The following ASAP1 variants were observed in gnomAD, a reference collection of about 807,000 sequenced individuals.
ASAP1 encodes the protein ArfGAP with SH3 domain, ankyrin repeat and PH domain 1.
A neutral mutation model predicts 145.2 loss-of-function variants in ASAP1; 43 were observed. The ratio of observed to expected loss-of-function variants is 0.30; its 90% CI spans 0.23 to 0.38. ASAP1 has a LOEUF of 0.38. Ranked by LOEUF, ASAP1 falls within the 10% of genes least tolerant of loss-of-function variation. The probability of loss-of-function intolerance (pLI) is 1.00; values close to 1 mark genes in which losing one functional copy is unlikely to be tolerated. For missense variants in ASAP1, 1,018 were observed against 1,355.3 expected (o/e 0.75, Z 3.91); for synonymous variants, 546 against 515.5 (o/e 1.06, Z -0.80).
chr8:130,086,734 G>T (rs1022228625), intron 25 of ASAP1, among the ~76,000 whole-genome samples: 2 of 152,212 alleles, frequency 1.3e-5, no homozygotes, highest in African/African-American at 4.8e-5. Context: ...AGCCTGTGAG[G>T]TGGAGGCTGC....
At chr8:130,204,904 C>T (rs1379883606) in intron 5 of ASAP1, among the ~76,000 whole-genome samples, 2 of 152,164 alleles carry the variant, frequency 1.3e-5, no homozygotes, top group Admixed American at 1.3e-4. Flanking sequence ...CATACAGTCA[C>T]CACAGTATAA....
intron 5 of ASAP1, among the ~76,000 whole-genome samples, chr8:130,208,298 T>C (rs559337758): frequency 2.6e-5 from 4 of 152,300 alleles, no homozygotes; most frequent in African/African-American, 9.6e-5. Flanking sequence ...TGTTTTGGTA[T>C]GTCTTTGTGT....
At chr8:130,383,680 ATTATGT>A (rs1232025549) in intron 2 of ASAP1, among the ~76,000 whole-genome samples, 2 of 152,122 alleles carry the variant, frequency 1.3e-5, no homozygotes, top group African/African-American at 2.4e-5. Flanking sequence ...AATAATGTTT[ATTATGT>A]TTATGTTTAT....
chr8:130,298,908 G>C (rs1247709840), intron 3 of ASAP1, among the ~76,000 whole-genome samples: 1 of 152,164 alleles, frequency 6.6e-6, no homozygotes, highest in Non-Finnish European at 1.5e-5. Context: ...CCAGATTACA[G>C]GTATTAGGGC....
intron 5 of ASAP1, among the ~76,000 whole-genome samples, chr8:130,199,259 A>G (rs1272656292): frequency 6.6e-6 from 1 of 152,226 alleles, no homozygotes; most frequent in Admixed American, 6.5e-5. Context: ...TCAAACTCCT[A>G]GAGCAAAGTG....
In ASAP1 at chr8:130,358,318, C is replaced by T. The variant is rs1442489810; in HGVS notation, c.60-175G>A. ...GGCGAGAGGGAGGGAAGGAGGCGGG[C>T]GAAGGCAGGCGGCGGCGGCGCTGGC... On this transcript the variant is annotated intron_variant, in intron 2 of 29. Transcript: ENST00000518721. This position sits in a 1 kb window ranked among gnomAD's most constrained non-coding sequence, Gnocchi z 4.1. Among the ~76,000 whole-genome samples, 15 of 149,450 alleles carry T rather than the reference C, an allele frequency of 1.0e-4. No homozygotes were observed. The highest frequency in any genetic ancestry group is 1.0e-3 in the Admixed American group (15 of 15,046).
At chr8:130,141,225 G>C (rs1428206847) in intron 13 of ASAP1, among the ~76,000 whole-genome samples, 2 of 152,164 alleles carry the variant, frequency 1.3e-5, no homozygotes, top group African/African-American at 4.8e-5. Flanking sequence ...CCTTGCTGTT[G>C]ATTCCCATCC....
chr8:130,116,373 T>C (rs1209200140), intron 22 of ASAP1, among the ~76,000 whole-genome samples: 1 of 152,256 alleles, frequency 6.6e-6, no homozygotes, highest in Non-Finnish European at 1.5e-5. Context: ...AATTCTTTAC[T>C]ATTAAGCTGC....
intron 4 of ASAP1, among the ~76,000 whole-genome samples, chr8:130,231,778 A>G (rs998719683): frequency 7.9e-5 from 12 of 152,224 alleles, no homozygotes; most frequent in African/African-American, 2.9e-4. Context: ...TCCATTTCTA[A>G]AAGTGCAGTA....
chr8:130,208,302 T>C (rs2136372983), intron 5 of ASAP1, among the ~76,000 whole-genome samples: 1 of 152,308 alleles, frequency 6.6e-6, no homozygotes, highest in South Asian at 2.1e-4. Context: ...TTGGTATGTC[T>C]TTGTGTATAG....
intron 5 of ASAP1, among the ~76,000 whole-genome samples, chr8:130,210,849 T>C (rs1816536407): frequency 6.6e-6 from 1 of 152,182 alleles, no homozygotes. Context: ...ACCTTAAAAA[T>C]AAAATGAGAA....
chr8:130,326,594 C>T (rs145625657), intron 3 of ASAP1, among the ~76,000 whole-genome samples: 11 of 152,324 alleles, frequency 7.2e-5, no homozygotes, highest in African/African-American at 2.6e-4. Flanking sequence ...GCTCGCTCCA[C>T]GCTAGTCAAA....
At chr8:130,268,965 G>T (rs62525922) in intron 3 of ASAP1, among the ~76,000 whole-genome samples, 27,888 of 152,014 alleles carry the variant, frequency 0.18, 3,233 homozygotes, top group East Asian at 0.44. Context: ...GAGGAGGGAG[G>T]GTGGAGAAGG....
intron 24 of ASAP1, among the ~76,000 whole-genome samples, chr8:130,107,489 GTCTC>G (rs1423980081): frequency 1.2e-4 from 17 of 147,700 alleles, no homozygotes; most frequent in South Asian, 2.2e-4. Flanking sequence ...CCGGCCCATA[GTCTC>G]TCTTTTTTTT....
At chr8:130,213,664 TATAA>T (rs1224185411) in intron 5 of ASAP1, among the ~76,000 whole-genome samples, 2 of 152,190 alleles carry the variant, frequency 1.3e-5, no homozygotes, top group African/African-American at 4.8e-5. Flanking sequence ...AAAAGCATGA[TATAA>T]ATAGTTTTCC....
intron 4 of ASAP1, among the ~76,000 whole-genome samples, chr8:130,220,679 G>A (rs1817239065): frequency 6.6e-6 from 1 of 152,012 alleles, no homozygotes; most frequent in Non-Finnish European, 1.5e-5. Flanking sequence ...GTATTAGTCC[G>A]TTCTCACACT....
chr8:130,327,093 G>C (rs1824383872), intron 3 of ASAP1, among the ~76,000 whole-genome samples: 1 of 152,164 alleles, frequency 6.6e-6, no homozygotes, highest in South Asian at 2.1e-4. Flanking sequence ...AAGAGCAAGG[G>C]AATTTCAATT....
chr8:130,214,901 CTTTT>C (rs916260334), intron 4 of ASAP1, among the ~76,000 whole-genome samples, 200 bp from the exon 5 acceptor site: 1 of 151,926 alleles, frequency 6.6e-6, no homozygotes, highest in African/African-American at 2.4e-5. Flanking sequence ...TCCCTTTTAT[CTTTT>C]TTTCTTTTTT....
chr8:130,109,551 C>A (rs984461885), intron 24 of ASAP1, among the ~76,000 whole-genome samples: 1 of 152,036 alleles, frequency 6.6e-6, no homozygotes, highest in Non-Finnish European at 1.5e-5. Context: ...AAATAGAGAC[C>A]TCTGCTTTAT....
Sources: gnomAD v4.1 joint callset for allele counts (sites outside exome capture counted in the v4.1 genomes callset) on GRCh38, gnomAD v4.1.1 for gene constraint, Gnocchi (gnomAD v3.1) non-coding constraint, MANE v1.5 for transcripts, NCBI Gene and HGNC (gene_info 2026-07-23, HGNC 2026-07-21) for gene names.